SGCZ: variants seen among roughly 807,000 people sequenced by gnomAD.
The protein encoded by SGCZ is zeta-sarcoglycan.
Under a neutral mutation model 41.3 loss-of-function variants are expected in SGCZ, and 40 were observed. That is an observed-to-expected ratio of 0.97 (90% CI 0.75 to 1.26). The LOEUF is 1.26. Ranked by LOEUF, SGCZ falls within the 50% of genes most tolerant of loss-of-function variation. The probability of loss-of-function intolerance (pLI) is 0.00; values close to 1 mark genes in which losing one functional copy is unlikely to be tolerated. For synonymous variants in SGCZ, 206 were observed against 137.5 expected (o/e 1.50, Z -3.49); for missense variants, 552 against 369.8 (o/e 1.49, Z -4.04).
chr8:15,214,089 G>A (rs370232613), intron 1 of SGCZ, among the ~76,000 whole-genome samples: 2 of 151,520 alleles, frequency 1.3e-5, no homozygotes, highest in East Asian at 1.9e-4. Flanking sequence ...TTTTATTCTA[G>A]TATAATGAAA....
intron 1 of SGCZ, among the ~76,000 whole-genome samples, chr8:14,960,826 C>T (rs1447596708): frequency 6.6e-6 from 1 of 151,950 alleles, no homozygotes; most frequent in African/African-American, 2.4e-5. Context: ...ACACACTCCA[C>T]AGCTAGTTTA....
intron 1 of SGCZ, among the ~76,000 whole-genome samples, chr8:15,196,205 A>AT (rs946880468): frequency 2.6e-5 from 4 of 152,056 alleles, no homozygotes; most frequent in South Asian, 2.1e-4. Context: ...CCAGGCTTCG[A>AT]TTTTTTAAAG....
chr8:15,042,792 C>G (rs1380596779), intron 1 of SGCZ, among the ~76,000 whole-genome samples: 1 of 152,176 alleles, frequency 6.6e-6, no homozygotes, highest in Non-Finnish European at 1.5e-5. Context: ...CACTTCCTCT[C>G]TTTCCACATC....
intron 3 of SGCZ, among the ~76,000 whole-genome samples, chr8:14,308,327 A>G (rs1801413357): frequency 6.6e-6 from 1 of 152,120 alleles, no homozygotes; most frequent in African/African-American, 2.4e-5. Flanking sequence ...GACAATAAAC[A>G]ATGAGCTTTT....
chr8:14,702,571 T>A (rs186213396), intron 1 of SGCZ, among the ~76,000 whole-genome samples: 20 of 151,942 alleles, frequency 1.3e-4, no homozygotes, highest in African/African-American at 4.1e-4. Context: ...GGAAACAAAA[T>A]TATTGACCCA....
intron 2 of SGCZ, among the ~76,000 whole-genome samples, chr8:14,546,055 G>C (rs1366500482): frequency 1.3e-5 from 2 of 152,172 alleles, no homozygotes; most frequent in African/African-American, 2.4e-5. Flanking sequence ...TTTCATCTGA[G>C]AGGGACAATT....
At chr8:14,877,872 C>G (rs1804421735) in intron 1 of SGCZ, among the ~76,000 whole-genome samples, 1 of 151,804 alleles carries the variant, frequency 6.6e-6, no homozygotes, top group Non-Finnish European at 1.5e-5. Flanking sequence ...ATGTTCCTTT[C>G]TGTTATTACA....
rs551667492 is a variant in SGCZ, at chr8:14,287,908, A to G, written c.336+36195T>C. Among the ~76,000 whole-genome samples the G allele has an allele frequency of 2.0e-4, 31 of 152,202 alleles. No individual in the cohort carries two copies. In the South Asian group the frequency reaches 6.2e-3, roughly 31 times the overall value. Reference sequence around the variant, plus strand: ...AGCTTAATGGTCTGAGAATTTGATGATGTATTTTAGAGGGACTATAGGATT... The same window carrying G: ...AGCTTAATGGTCTGAGAATTTGATGGTGTATTTTAGAGGGACTATAGGATT... On this transcript the variant is annotated intron_variant, in intron 3 of 7. Transcript: ENST00000382080.
At chr8:14,999,006 G>C (rs1215263083) in intron 1 of SGCZ, among the ~76,000 whole-genome samples, 3 of 152,172 alleles carry the variant, frequency 2.0e-5, no homozygotes, top group African/African-American at 7.2e-5. Flanking sequence ...TTAATATCTA[G>C]TGAATAGTTT....
At chr8:14,413,913 G>T (rs574423139) in intron 2 of SGCZ, among the ~76,000 whole-genome samples, 1 of 151,900 alleles carries the variant, frequency 6.6e-6, no homozygotes, top group Non-Finnish European at 1.5e-5. Flanking sequence ...TACAATAAAA[G>T]GGTGTTAAAT....
chr8:14,173,317 T>G (rs1472055637), intron 4 of SGCZ, among the ~76,000 whole-genome samples: 1 of 151,946 alleles, frequency 6.6e-6, no homozygotes, highest in Non-Finnish European at 1.5e-5. Context: ...AGCAAAGATA[T>G]GAAGTTATTA....
chr8:14,438,052 G>C (rs559702271), intron 2 of SGCZ, among the ~76,000 whole-genome samples: 7 of 151,628 alleles, frequency 4.6e-5, no homozygotes, highest in African/African-American at 1.2e-4. Context: ...AAATGGTTAC[G>C]CATGGTAAAT....
intron 4 of SGCZ, among the ~76,000 whole-genome samples, chr8:14,173,399 T>C (rs555577545): frequency 2.0e-5 from 3 of 152,070 alleles, no homozygotes; most frequent in South Asian, 2.1e-4. Context: ...GCAAAGAAAT[T>C]GATTTTAAAT....
At chr8:14,901,704 G>A (rs549355412) in intron 1 of SGCZ, among the ~76,000 whole-genome samples, 133 of 151,988 alleles carry the variant, frequency 8.8e-4, no homozygotes, top group African/African-American at 2.4e-3. Flanking sequence ...ATATATTTTC[G>A]GTAAAAATGC....
intron 2 of SGCZ, among the ~76,000 whole-genome samples, chr8:14,414,733 T>C (rs926010510): frequency 3.1e-4 from 47 of 151,944 alleles, no homozygotes; most frequent in Non-Finnish European, 6.0e-4. Context: ...CTTAAGGCTC[T>C]TTTTGGAAAT....
chr8:14,773,467 C>A (rs188122042), intron 1 of SGCZ, among the ~76,000 whole-genome samples: 1 of 152,232 alleles, frequency 6.6e-6, no homozygotes, highest in Admixed American at 6.5e-5. Context: ...ATTACGTATC[C>A]AGATGGGGAA....
At chr8:14,222,396 C>G (rs1393073731) in intron 4 of SGCZ, among the ~76,000 whole-genome samples, 1 of 152,020 alleles carries the variant, frequency 6.6e-6, no homozygotes, top group Non-Finnish European at 1.5e-5. Context: ...TCTTGAGCTC[C>G]TGACCTTGTG....
chr8:14,202,555 C>CA (rs1805489630), intron 4 of SGCZ, among the ~76,000 whole-genome samples: 1 of 151,970 alleles, frequency 6.6e-6, no homozygotes, highest in Non-Finnish European at 1.5e-5. Context: ...CCTACATTGA[C>CA]AAAAGGCAGA....
At chr8:15,069,538 G>A (rs543639511) in intron 1 of SGCZ, among the ~76,000 whole-genome samples, 1 of 152,224 alleles carries the variant, frequency 6.6e-6, no homozygotes, top group Non-Finnish European at 1.5e-5. Context: ...CAGTATACTG[G>A]CCCAATATGT....
Sources: gnomAD v4.1 joint callset for allele counts (sites outside exome capture counted in the v4.1 genomes callset) on GRCh38, gnomAD v4.1.1 for gene constraint, MANE v1.5 for transcripts, NCBI Gene and HGNC (gene_info 2026-07-23, HGNC 2026-07-21) for gene names.